TCF7L2: variants seen among roughly 807,000 people sequenced by gnomAD.
TCF7L2 encodes the protein transcription factor 7 like 2.
TCF7L2 carries 23 observed loss-of-function variants against 77.9 expected under a neutral mutation model. That is an observed-to-expected ratio of 0.30 (90% CI 0.21 to 0.42). The LOEUF (loss-of-function observed/expected upper bound fraction) is 0.42. Ranked by LOEUF, TCF7L2 falls within the 10% of genes least tolerant of loss-of-function variation. TCF7L2 has a pLI of 1.00. For synonymous variants in TCF7L2, 413 were observed against 340.2 expected, an observed-to-expected ratio of 1.21 and a Z score of -2.36; for missense variants, 654 against 793.1, an observed-to-expected ratio of 0.82 and a Z score of 2.11.
chr10:113,141,774 T>G (rs909418707), intron 6 of TCF7L2, among the ~76,000 whole-genome samples: 4 of 152,206 alleles, frequency 2.6e-5, no homozygotes, highest in Non-Finnish European at 5.9e-5. Context: ...GAGGCTCCAG[T>G]CACTACTTGA....
chr10:113,012,242 T>C (rs1174048766), intron 4 of TCF7L2, among the ~76,000 whole-genome samples: 1 of 151,920 alleles, frequency 6.6e-6, no homozygotes, highest in Admixed American at 6.6e-5. Context: ...GCCCAGGTGA[T>C]TCCAAAGTGT....
chr10:113,057,315 G>C (rs1261043368), intron 5 of TCF7L2, among the ~76,000 whole-genome samples: 1 of 152,208 alleles, frequency 6.6e-6, no homozygotes, highest in Non-Finnish European at 1.5e-5. Flanking sequence ...GATTACAGGT[G>C]TGCACCACCA....
chr10:112,987,131 G>T (rs1485792083), intron 4 of TCF7L2, among the ~76,000 whole-genome samples: 1 of 152,138 alleles, frequency 6.6e-6, no homozygotes, highest in Admixed American at 6.5e-5. Flanking sequence ...GCATCTTCTG[G>T]TAGCTAAGAA....
chr10:113,061,593 A>T (rs1035847628), intron 5 of TCF7L2, among the ~76,000 whole-genome samples: 2 of 152,158 alleles, frequency 1.3e-5, no homozygotes, highest in African/African-American at 4.8e-5. Flanking sequence ...TTCACACGTT[A>T]TTAGTTGGAC....
intron 4 of TCF7L2, among the ~76,000 whole-genome samples, chr10:112,984,058 A>AT (rs1432362704): frequency 1.3e-5 from 2 of 152,132 alleles, no homozygotes; most frequent in African/African-American, 4.8e-5. Flanking sequence ...AACCTCCCTC[A>AT]TTTGCAGCAG....
chr10:112,987,830 A>C (rs1448837522), intron 4 of TCF7L2: 2 of 183,696 alleles, frequency 1.1e-5, no homozygotes, highest in East Asian at 2.8e-4. Flanking sequence ...AGATGAAAAC[A>C]CACAGGAGGA....
chr10:113,077,407 A>T (rs2058805861), intron 5 of TCF7L2, among the ~76,000 whole-genome samples: 1 of 152,200 alleles, frequency 6.6e-6, no homozygotes, highest in African/African-American at 2.4e-5. Flanking sequence ...GTATATTTGC[A>T]GAACTATGCA....
At chr10:113,088,620 A>G (rs1212422681) in intron 5 of TCF7L2, among the ~76,000 whole-genome samples, 1 of 152,138 alleles carries the variant, frequency 6.6e-6, no homozygotes, top group Non-Finnish European at 1.5e-5. Context: ...TGCTTTTCTC[A>G]AAAGACTGTC....
At chr10:112,975,864 A>C (rs898258220) in intron 4 of TCF7L2, among the ~76,000 whole-genome samples, 1 of 152,222 alleles carries the variant, frequency 6.6e-6, no homozygotes, top group Non-Finnish European at 1.5e-5. Flanking sequence ...ACAACTGAAA[A>C]TATCTCTAGA....
In TCF7L2 at chr10:113,152,538, C is replaced by T. The variant is rs546772983; in HGVS notation, c.1269+98C>T. 7.8e-5 allele frequency: 78 copies of T among 996,046 alleles called. 2 individuals are homozygous for T. In the South Asian group the frequency reaches 1.2e-3, roughly 15 times the overall value. The allele number at this position is 996,046 out of a possible 1,614,324, so 61.7% of individuals were successfully genotyped here. On this transcript the variant is annotated intron_variant, in intron 11 of 13. Coordinates refer to ENST00000627217, the MANE Select transcript of TCF7L2 (RefSeq NM_001146274.2). ...GGACCTGCCACTTGACTAGGGTGGGCCTCAGGACCATCCAATCTGCCCGCT... is the reference window on the plus strand; with the variant it reads ...GGACCTGCCACTTGACTAGGGTGGGTCTCAGGACCATCCAATCTGCCCGCT...
rs369169551 is a variant in TCF7L2 at position 112,952,796 on chromosome 10, A to T, written c.381+1189A>T. ...AGGGTCGGTCCCGCGCCCAACCCTG[A>T]CATTTGTTAATACGGCTCATCCCCT... On this transcript the variant is annotated intron_variant, in intron 3 of 13. Coordinates refer to ENST00000627217, the MANE Select transcript of TCF7L2 (RefSeq NM_001146274.2). 5.3e-5 allele frequency among the ~76,000 whole-genome samples: 8 copies of T among 152,042 alleles called. No homozygotes were observed. In the South Asian group the frequency reaches 1.5e-3, roughly 28 times the overall value.
At chr10:112,981,300 C>A (rs1187008351) in intron 4 of TCF7L2, among the ~76,000 whole-genome samples, 2 of 108,352 alleles carry the variant, frequency 1.8e-5, no homozygotes, top group East Asian at 2.8e-4. Flanking sequence ...TTGGAAGAGA[C>A]CCGTCCTCAA....
chr10:113,154,350 T>C (rs1025112615), intron 11 of TCF7L2, among the ~76,000 whole-genome samples: 1 of 152,198 alleles, frequency 6.6e-6, no homozygotes, highest in African/African-American at 2.4e-5. Context: ...ATCTTGAGCT[T>C]CTACCTGCTA....
At chr10:113,009,180 A>C (rs996040356) in intron 4 of TCF7L2, among the ~76,000 whole-genome samples, 2 of 152,156 alleles carry the variant, frequency 1.3e-5, no homozygotes, top group Non-Finnish European at 2.9e-5. Context: ...ATGAGAATTC[A>C]TCTGGGGTCC....
At chr10:112,958,775 ATGT>A (rs1259203017) in intron 3 of TCF7L2, among the ~76,000 whole-genome samples, 1 of 152,136 alleles carries the variant, frequency 6.6e-6, no homozygotes, top group Non-Finnish European at 1.5e-5. Flanking sequence ...AAAAGGCACT[ATGT>A]TGTTGTCGTG....
At position 112,951,192 on chromosome 10, in the gene TCF7L2, C is replaced by T. The variant is rs780903015; in HGVS notation, c.190-15C>T. ...GTTTGCCCCTCGCCCTCCCCACCTC[C>T]ACCCCTCTGGGAAGGCGGAAAGACG... On this transcript the variant is annotated splice_polypyrimidine_tract_variant and intron_variant, in intron 1 of 13. Coordinates refer to ENST00000627217, the MANE Select transcript of TCF7L2 (RefSeq NM_001146274.2). The T allele has an allele frequency of 8.2e-6, 13 of 1,583,652 alleles. No homozygotes were observed. In the South Asian group the frequency reaches 1.4e-4, roughly 17 times the overall value.
At chr10:112,997,431 G>A (rs2043673686) in intron 4 of TCF7L2, among the ~76,000 whole-genome samples, 1 of 152,252 alleles carries the variant, frequency 6.6e-6, no homozygotes, top group South Asian at 2.1e-4. Flanking sequence ...ACACCAGGCT[G>A]AATGGGAGAG....
chr10:113,007,915 C>T (rs1278795994), intron 4 of TCF7L2, among the ~76,000 whole-genome samples: 2 of 152,176 alleles, frequency 1.3e-5, no homozygotes, highest in African/African-American at 4.8e-5. Flanking sequence ...CCTGATTTAG[C>T]GAGGTGTTTC....
intron 4 of TCF7L2, among the ~76,000 whole-genome samples, chr10:113,019,422 G>A (rs1454852864): frequency 6.6e-6 from 1 of 152,166 alleles, no homozygotes; most frequent in African/African-American, 2.4e-5. Flanking sequence ...TCTGGGTGGT[G>A]GCGAGAAGTA....
Sources: allele counts gnomAD v4.1 joint callset (sites outside exome capture counted in the v4.1 genomes callset), GRCh38; gene constraint gnomAD v4.1.1; transcripts MANE v1.5; gene names NCBI Gene and HGNC (gene_info 2026-07-23, HGNC 2026-07-21).